Variants in SCMH1 observed in about 807,000 individuals in gnomAD.
The protein encoded by SCMH1 is Scm polycomb group protein homolog 1.
A neutral mutation model predicts 70.8 loss-of-function variants in SCMH1; 37 were observed. The ratio of observed to expected loss-of-function variants is 0.52; its 90% CI spans 0.40 to 0.69. The LOEUF (loss-of-function observed/expected upper bound fraction) is 0.69, where lower values mean the gene tolerates loss of function less well. SCMH1 is among the 30% of genes least tolerant of loss of function. The pLI is 0.00. For missense variants in SCMH1, 607 were observed against 827.3 expected, an observed-to-expected ratio of 0.73 and a Z score of 3.27; for synonymous variants, 292 against 307.4, an observed-to-expected ratio of 0.95 and a Z score of 0.52.
At chr1:41,110,375 G>C (rs1668977228) in intron 8 of SCMH1, among the ~76,000 whole-genome samples, 1 of 152,160 alleles carries the variant, frequency 6.6e-6, no homozygotes, top group African/African-American at 2.4e-5. Flanking sequence ...GATATTCAGA[G>C]TTGTGCAAAC....
intron 8 of SCMH1, among the ~76,000 whole-genome samples, chr1:41,082,863 T>A (rs556167574): frequency 4.1e-4 from 63 of 152,192 alleles, no homozygotes; most frequent in Non-Finnish European, 6.3e-4. Flanking sequence ...AACAGAACCA[T>A]CGACAAAAAC....
chr1:41,229,023 G>A (rs945544385), intron 1 of SCMH1, among the ~76,000 whole-genome samples: 1 of 151,980 alleles, frequency 6.6e-6, no homozygotes, highest in East Asian at 1.9e-4. Context: ...CGGTGAAACC[G>A]TATCTCTACT....
chr1:41,196,757 A>G (rs2148698233), intron 1 of SCMH1, among the ~76,000 whole-genome samples: 1 of 152,314 alleles, frequency 6.6e-6, no homozygotes, highest in Middle Eastern at 3.4e-3. Context: ...TCAGAGTGAA[A>G]AGACAGTCCA....
intron 10 of SCMH1, among the ~76,000 whole-genome samples, chr1:41,064,224 G>A (rs767061654): frequency 6.6e-6 from 1 of 152,120 alleles, no homozygotes; most frequent in Non-Finnish European, 1.5e-5. Context: ...TTGGAAACTA[G>A]AAATAGAGGG....
At chr1:41,048,569 C>G in intron 11 of SCMH1, 121 bp downstream of exon 11, 1 of 869,034 alleles carries the variant, frequency 1.2e-6, no homozygotes, top group Non-Finnish European at 1.8e-6. Flanking sequence ...AATGGAATAC[C>G]TTCACATTTT....
chr1:41,042,903 G>A (rs11209391), intron 12 of SCMH1, among the ~76,000 whole-genome samples: 52,266 of 151,568 alleles, frequency 0.34, 10,203 homozygotes, highest in African/African-American at 0.54. Context: ...ATGTCACGTC[G>A]TGAAAGATAG....
intron 1 of SCMH1, among the ~76,000 whole-genome samples, chr1:41,188,738 T>C (rs1035454333): frequency 2.0e-5 from 3 of 152,002 alleles, no homozygotes; most frequent in Admixed American, 2.0e-4. Context: ...ATTCTTCATA[T>C]ATTAAGATAC....
intron 5 of SCMH1, among the ~76,000 whole-genome samples, chr1:41,148,633 C>A (rs1644797867): frequency 6.6e-6 from 1 of 151,994 alleles, no homozygotes; most frequent in Admixed American, 6.6e-5. Flanking sequence ...CATTAGTTAT[C>A]CTATATATAA....
At chr1:41,074,255 G>A (rs1167427876) in intron 9 of SCMH1, among the ~76,000 whole-genome samples, 3 of 152,144 alleles carry the variant, frequency 2.0e-5, no homozygotes, top group Admixed American at 1.3e-4. Context: ...GACTGAAAGA[G>A]TGAATATATG....
At chr1:41,216,387 T>C (rs1658087955) in intron 1 of SCMH1, among the ~76,000 whole-genome samples, 1 of 152,194 alleles carries the variant, frequency 6.6e-6, no homozygotes, top group African/African-American at 2.4e-5. Context: ...ATTCATTATA[T>C]GATTCATCAA....
intron 13 of SCMH1, chr1:41,034,002 C>A (rs1249217279): frequency 6.2e-7 from 1 of 1,614,044 alleles, no homozygotes; most frequent in Non-Finnish European, 8.5e-7. Flanking sequence ...GATTTAGTTT[C>A]CAAAATGATT....
chr1:41,224,069 C>T (rs1325452212), intron 1 of SCMH1, among the ~76,000 whole-genome samples: 2 of 152,166 alleles, frequency 1.3e-5, no homozygotes, highest in Non-Finnish European at 2.9e-5. Flanking sequence ...CCAAACACTA[C>T]ATATGCTGAC....
At chr1:41,135,538 T>A (rs926333206) in intron 6 of SCMH1, among the ~76,000 whole-genome samples, 2 of 152,186 alleles carry the variant, frequency 1.3e-5, no homozygotes, top group Non-Finnish European at 2.9e-5. Flanking sequence ...CCTTCCACCA[T>A]GAATGTAAGT....
intron 6 of SCMH1, among the ~76,000 whole-genome samples, chr1:41,120,707 A>C (rs1360998482): frequency 1.3e-5 from 2 of 152,184 alleles, no homozygotes. Flanking sequence ...TTTAACATTG[A>C]AAGGGACCTC....
At chr1:41,237,943 T>C (rs1378894273) in intron 1 of SCMH1, among the ~76,000 whole-genome samples, 1 of 152,202 alleles carries the variant, frequency 6.6e-6, no homozygotes, top group Admixed American at 6.5e-5. Context: ...GGAACTAATA[T>C]TTACTTTGTA....
intron 6 of SCMH1, among the ~76,000 whole-genome samples, chr1:41,120,471 C>G (rs1671647595): frequency 6.6e-6 from 1 of 152,086 alleles, no homozygotes. Context: ...AGACAGATTT[C>G]AATATATGGT....
At chr1:41,029,869 C>T (rs1455679331) in intron 13 of SCMH1, among the ~76,000 whole-genome samples, 9 of 152,208 alleles carry the variant, frequency 5.9e-5, no homozygotes, top group African/African-American at 2.2e-4. Context: ...TCCCCCATCA[C>T]ACCATGCTAG....
intron 12 of SCMH1, among the ~76,000 whole-genome samples, chr1:41,040,846 GA>G (rs766585774): frequency 1.1e-4 from 16 of 152,040 alleles, no homozygotes; most frequent in East Asian, 9.7e-4. Flanking sequence ...CCTGGGCAAC[GA>G]GAGTGAAAGT....
chr1:41,215,451 A>T (rs1442358916), intron 1 of SCMH1, among the ~76,000 whole-genome samples: 1 of 151,938 alleles, frequency 6.6e-6, no homozygotes, highest in Non-Finnish European at 1.5e-5. Context: ...ATCCTCATCT[A>T]CTTCTTCTCT....
Sources: allele counts gnomAD v4.1 joint callset (sites outside exome capture counted in the v4.1 genomes callset), GRCh38; gene constraint gnomAD v4.1.1; transcripts MANE v1.5; gene names NCBI Gene and HGNC (gene_info 2026-07-23, HGNC 2026-07-21).